TCF20: variants seen among roughly 807,000 people sequenced by gnomAD.
The protein encoded by TCF20 is SPRE-binding protein.
TCF20 carries 3 observed loss-of-function variants against 148.6 expected under a neutral mutation model. The observed-to-expected ratio is 0.02, with a 90% CI of 0.01 to 0.05. The LOEUF is 0.05. Among genes scored for constraint, TCF20 ranks in the 10% least tolerant of loss-of-function variants. TCF20 has a pLI of 1.00. For synonymous variants in TCF20, 1,049 were observed against 909.5 expected, an observed-to-expected ratio of 1.15 and a Z score of -2.76; for missense variants, 2,350 against 2,429.3, an observed-to-expected ratio of 0.97 and a Z score of 0.69.
At chr22:42,200,975 G>A (rs1284457643) in intron 2 of TCF20, among the ~76,000 whole-genome samples, 1 of 152,228 alleles carries the variant, frequency 6.6e-6, no homozygotes, top group African/African-American at 2.4e-5. Context: ...ATCTCAGGTT[G>A]AACTGTAGCA....
At position 42,327,695 on chromosome 22, in the gene TCF20, G is replaced by C. The variant is rs546190584; in HGVS notation, c.-37+15784C>G. 9.1e-3 allele frequency among the ~76,000 whole-genome samples: 1,380 copies of C among 151,816 alleles called. 7 individuals carry two copies. Among genetic ancestry groups the C allele is most frequent in the Non-Finnish European group, 0.015 (1,029 of 67,954 alleles). ...GACTGAATGCAGAGGAAGAGGTGGA[G>C]CTGGGCTGTGAACCCTGAGACTTCT... On this transcript the variant is annotated intron_variant, in intron 1 of 1. Transcript: ENST00000515426.
intron 1 of TCF20, among the ~76,000 whole-genome samples, chr22:42,239,453 G>A (rs138687708): frequency 0.02 from 2,957 of 149,782 alleles, 47 homozygotes; most frequent in Non-Finnish European, 0.032. Flanking sequence ...TCCAGCCTGG[G>A]GAACAAGAGT....
chr22:42,273,022 T>A (rs80500), upstream of TCF20, among the ~76,000 whole-genome samples: 100,913 of 148,900 alleles, frequency 0.68, 34,254 homozygotes, highest in Non-Finnish European at 0.74. Context: ...AAGAAAAAAA[T>A]TTTTTTTTAA....
chr22:42,183,296 T>A (rs1197536857), intron 2 of TCF20, among the ~76,000 whole-genome samples: 1 of 127,664 alleles, frequency 7.8e-6, no homozygotes, highest in Non-Finnish European at 1.8e-5. Context: ...CCCAAGAACC[T>A]GTGATCTTAT....
intron 1 of TCF20, among the ~76,000 whole-genome samples, chr22:42,331,467 A>G (rs1168787861): frequency 1.3e-5 from 2 of 152,244 alleles, no homozygotes; most frequent in African/African-American, 2.4e-5. Flanking sequence ...TGTGGGGTTA[A>G]GTCAGACAGG....
intron 1 of TCF20, among the ~76,000 whole-genome samples, chr22:42,217,317 T>G (rs1362510423): frequency 6.6e-6 from 1 of 152,188 alleles, no homozygotes; most frequent in African/African-American, 2.4e-5. Context: ...CAGAGCCAGA[T>G]AGCTTGCTCT....
In TCF20 at chr22:42,297,212, T is replaced by C. The variant is rs1022419848; in HGVS notation, c.-37+46267A>G. On this transcript the variant is annotated intron_variant, in intron 1 of 1. Transcript: ENST00000515426. The surrounding 1 kb of genome is among the most constrained non-coding windows in gnomAD (Gnocchi z 4.3). ...GCAAGGAGGCTGCCCATCTGGAAAA[T>C]GGGCATGATCAGAGAGGGCTACGCT... Among the ~76,000 whole-genome samples, 3 of 151,952 alleles carry C rather than the reference T, an allele frequency of 2.0e-5. No homozygotes were observed. The highest frequency in any genetic ancestry group is 6.6e-5 in the Admixed American group (1 of 15,264).
At chr22:42,258,568 C>T (rs897464623) in intron 1 of TCF20, among the ~76,000 whole-genome samples, 1 of 152,182 alleles carries the variant, frequency 6.6e-6, no homozygotes, top group African/African-American at 2.4e-5. Flanking sequence ...ATTTTCACTT[C>T]AGGATGGTGC....
chr22:42,340,997 G>A (rs1928156319), intron 1 of TCF20, among the ~76,000 whole-genome samples: 2 of 150,634 alleles, frequency 1.3e-5, no homozygotes, highest in Admixed American at 6.7e-5. Flanking sequence ...TGGGAGCCCC[G>A]CGGAGCTGCG....
At position 42,269,450 on chromosome 22, in the gene TCF20, C is replaced by T. The variant is rs578160930; in HGVS notation, c.-37+889G>A. 3.9e-5 allele frequency among the ~76,000 whole-genome samples: 6 copies of T among 152,330 alleles called. No homozygotes were observed. In the East Asian group the frequency reaches 1.2e-3, roughly 30 times the overall value. On this transcript the variant is annotated intron_variant, in intron 1 of 5. Coordinates refer to ENST00000677622, the MANE Select transcript of TCF20 (RefSeq NM_001378418.1). ...CCCACCCACAAGCAGAGGAAGACGGCCGCTCCTCGGCACCGCCCCCCAACT... is the reference window on the plus strand; with the variant it reads ...CCCACCCACAAGCAGAGGAAGACGGTCGCTCCTCGGCACCGCCCCCCAACT...
At chr22:42,339,636 G>A (rs1032847095) in intron 1 of TCF20, among the ~76,000 whole-genome samples, 4 of 152,248 alleles carry the variant, frequency 2.6e-5, no homozygotes, top group Admixed American at 1.3e-4. Flanking sequence ...ATTGTCCAAA[G>A]GAGGAAACTG....
At chr22:42,267,625 C>T (rs917614169) in intron 1 of TCF20, among the ~76,000 whole-genome samples, 1 of 152,084 alleles carries the variant, frequency 6.6e-6, no homozygotes, top group African/African-American at 2.4e-5. Context: ...TGCTTGAACC[C>T]GGGAGGCGGA....
chr22:42,274,341 C>T (rs1020960895), upstream of TCF20: 2 of 152,426 alleles, frequency 1.3e-5, no homozygotes, highest in East Asian at 1.9e-4. Flanking sequence ...GGCACGCCCT[C>T]ATTCTGTGCC....
upstream of TCF20, among the ~76,000 whole-genome samples, chr22:42,287,166 G>A (rs540463662): frequency 6.6e-6 from 1 of 152,302 alleles, no homozygotes; most frequent in Non-Finnish European, 1.5e-5. Flanking sequence ...GCACATTTGG[G>A]TAGAGAGGAC....
intron 1 of TCF20, among the ~76,000 whole-genome samples, chr22:42,219,778 C>G (rs1281603587): frequency 1.3e-5 from 2 of 152,034 alleles, no homozygotes; most frequent in Non-Finnish European, 2.9e-5. Flanking sequence ...ATCGCCTGAG[C>G]CTCGGAGGCA....
chr22:42,226,363 T>C (rs9623543), intron 1 of TCF20, among the ~76,000 whole-genome samples: 6,857 of 152,360 alleles, frequency 0.045, 211 homozygotes, highest in Non-Finnish European at 0.065. Flanking sequence ...TAATTAGTGT[T>C]GCCACTTATA....
intron 3 of TCF20, among the ~76,000 whole-genome samples, chr22:42,174,966 C>T (rs1252292095): frequency 2.6e-5 from 4 of 151,298 alleles, no homozygotes; most frequent in Non-Finnish European, 4.4e-5. Flanking sequence ...ACCCGGGAGG[C>T]GGAGCTTGCA....
At chr22:42,190,584 G>A (rs572993089) in intron 2 of TCF20, among the ~76,000 whole-genome samples, 3 of 152,332 alleles carry the variant, frequency 2.0e-5, no homozygotes, top group African/African-American at 7.2e-5. Flanking sequence ...AAGGCCGTCT[G>A]TGCTTGTCTG....
At chr22:42,248,912 C>T (rs913844728) in intron 1 of TCF20, among the ~76,000 whole-genome samples, 3 of 152,190 alleles carry the variant, frequency 2.0e-5, no homozygotes, top group Admixed American at 6.5e-5. Flanking sequence ...ATCAACTTGA[C>T]AGGAACACCT....
Sources: allele counts gnomAD v4.1 joint callset (sites outside exome capture counted in the v4.1 genomes callset), GRCh38; gene constraint gnomAD v4.1.1; non-coding constraint Gnocchi (gnomAD v3.1); transcripts MANE v1.5; gene names NCBI Gene and HGNC (gene_info 2026-07-23, HGNC 2026-07-21).